The following AP3S2 variants were observed in gnomAD, a reference collection of about 807,000 sequenced individuals.
AP3S2 encodes the protein AP-3 complex subunit sigma-2.
Under a neutral mutation model 23.4 loss-of-function variants are expected in AP3S2, and 22 were observed. The observed-to-expected ratio is 0.94, with a 90% confidence interval of 0.67 to 1.34. The LOEUF (loss-of-function observed/expected upper bound fraction) is 1.34, where lower values mean the gene tolerates loss of function less well. AP3S2 is among the 40% of genes most tolerant of loss of function. The probability of loss-of-function intolerance (pLI) is 0.00; values close to 1 mark genes in which losing one functional copy is unlikely to be tolerated. For synonymous variants in AP3S2, 86 were observed against 87.1 expected (o/e 0.99, Z 0.07); for missense variants, 241 against 236.9 (o/e 1.02, Z -0.11).
At chr15:89,868,940 G>A (rs1183441927) in intron 4 of AP3S2, among the ~76,000 whole-genome samples, 125 of 133,278 alleles carry the variant, frequency 9.4e-4, no homozygotes, top group Admixed American at 1.8e-3. Context: ...CCGTCCGGGA[G>A]GGAGGTGGGG....
At chr15:89,842,961 G>A (rs1895367385) in intron 4 of AP3S2, among the ~76,000 whole-genome samples, 1 of 151,584 alleles carries the variant, frequency 6.6e-6, no homozygotes, top group African/African-American at 2.4e-5. Flanking sequence ...TAACAGAATG[G>A]GGACCATTAT....
intron 1 of AP3S2, among the ~76,000 whole-genome samples, chr15:89,890,338 C>A (rs1378080269): frequency 1.3e-5 from 2 of 152,198 alleles, no homozygotes; most frequent in Admixed American, 6.5e-5. Context: ...GTGTGAGCCA[C>A]CATGTCTGGC....
At chr15:89,893,792 A>T in intron 1 of AP3S2, 89 bp downstream of exon 1, 2 of 1,323,818 alleles carry the variant, frequency 1.5e-6, no homozygotes, top group Non-Finnish European at 2.1e-6. Context: ...GTGACCAAAG[A>T]GCGGTGCCCC....
At chr15:89,855,536 TA>T (rs199883528) in intron 4 of AP3S2, among the ~76,000 whole-genome samples, 59,588 of 136,012 alleles carry the variant, frequency 0.44, 12,611 homozygotes, top group East Asian at 0.6. Context: ...AAGAATAAAT[TA>T]AAAAAAAAAA....
At chr15:89,838,750 G>C (rs985542035) in intron 4 of AP3S2, among the ~76,000 whole-genome samples, 3 of 152,194 alleles carry the variant, frequency 2.0e-5, no homozygotes, top group African/African-American at 7.2e-5. Context: ...AGAGATCAGA[G>C]AGCTTCACAG....
At chr15:89,853,954 A>C (rs1596196323) in intron 4 of AP3S2, among the ~76,000 whole-genome samples, 1 of 37,010 alleles carries the variant, frequency 2.7e-5, no homozygotes, top group Admixed American at 3.0e-4. Flanking sequence ...TCCGCCCGGC[A>C]GCCACCCCAT....
rs531668513 is a variant in AP3S2 at position 89,880,236 on chromosome 15, CTAATTA to C, written c.273+8279_273+8284del. On this transcript the variant is annotated intron_variant, in intron 3 of 5. Coordinates refer to ENST00000336418, the MANE Select transcript of AP3S2 (RefSeq NM_005829.5). ...GGAAATGCTAACTGTTAATTCACTTCTAATTATAATTATAATCCAACAGGGACTTTT... is the reference window on the plus strand; with the variant it reads ...GGAAATGCTAACTGTTAATTCACTTCTAATTATAATCCAACAGGGACTTTT... 1.2e-4 allele frequency among the ~76,000 whole-genome samples: 19 copies of C among 152,148 alleles called. No homozygotes were observed. In the South Asian group the frequency reaches 3.5e-3, roughly 28 times the overall value.
chr15:89,849,591 T>A (rs1444287392), intron 4 of AP3S2, among the ~76,000 whole-genome samples: 1 of 152,024 alleles, frequency 6.6e-6, no homozygotes, highest in Non-Finnish European at 1.5e-5. Flanking sequence ...ATGGTCTCGA[T>A]CTCCTGACCT....
chr15:89,890,334 G>A (rs1896792306), intron 1 of AP3S2, among the ~76,000 whole-genome samples: 1 of 152,204 alleles, frequency 6.6e-6, no homozygotes, highest in African/African-American at 2.4e-5. Flanking sequence ...ACAGGTGTGA[G>A]CCACCATGTC....
intron 4 of AP3S2, among the ~76,000 whole-genome samples, chr15:89,867,696 C>A (rs1896172234): frequency 1.4e-5 from 2 of 138,060 alleles, no homozygotes; most frequent in South Asian, 2.5e-4. Flanking sequence ...CGCCTCTGCC[C>A]GGCCGAGACC....
chr15:89,892,426 C>A (rs1245981206), intron 1 of AP3S2, among the ~76,000 whole-genome samples: 4 of 152,090 alleles, frequency 2.6e-5, no homozygotes, highest in African/African-American at 9.7e-5. Flanking sequence ...AATCCCAGCA[C>A]TTTGGGAGGC....
At chr15:89,846,933 A>G (rs1895507985) in intron 4 of AP3S2, among the ~76,000 whole-genome samples, 1 of 152,072 alleles carries the variant, frequency 6.6e-6, no homozygotes, top group South Asian at 2.1e-4. Flanking sequence ...AGCCTCCCAA[A>G]GTGCTGGGAT....
chr15:89,858,529 G>GAAAGA lies in AP3S2; in HGVS notation c.345+12941_345+12945dup, dbSNP rs1567178817. ...AGAGAGAGAGAGAGAGAGAGAGAAA[G>GAAAGA]AAAGAAAGAAAGAAAGAAAGAAAGA... On this transcript the variant is annotated intron_variant, in intron 4 of 5. Coordinates refer to ENST00000336418, the MANE Select transcript of AP3S2 (RefSeq NM_005829.5). Among the ~76,000 whole-genome samples, 3 of 50,658 alleles carry GAAAGA rather than the reference G, an allele frequency of 5.9e-5. No individual in the cohort carries two copies. The East Asian group carries it at 3.4e-3, about 58-fold the overall frequency. 33.2% of individuals were successfully genotyped at this position (50,658 alleles called of 152,430 possible).
At chr15:89,880,623 G>C (rs4932151) in intron 3 of AP3S2, among the ~76,000 whole-genome samples, 1 of 149,678 alleles carries the variant, frequency 6.7e-6, no homozygotes, top group Non-Finnish European at 1.5e-5. Flanking sequence ...GCAGTGAGCC[G>C]AGATTGCGCC....
At position 89,843,974 on chromosome 15, in the gene AP3S2, GGAAGA is replaced by G. The variant is rs374703111; in HGVS notation, c.346-6257_346-6253del. On this transcript the variant is annotated intron_variant, in intron 4 of 5. Coordinates refer to ENST00000336418, the MANE Select transcript of AP3S2 (RefSeq NM_005829.5). ...ATAAAACTCCAGCTAGCAAAAACTA[GGAAGA>G]GAAGAGGGGAAAAAGGAGGGAGGTA... is the stretch of plus-strand genomic sequence containing the variant. 3.2e-4 allele frequency among the ~76,000 whole-genome samples: 49 copies of G among 152,220 alleles called. 1 individual carries two copies. In the South Asian group the frequency reaches 0.01, roughly 32 times the overall value.
At chr15:89,853,531 C>T (rs909193561) in intron 4 of AP3S2, among the ~76,000 whole-genome samples, 8 of 152,232 alleles carry the variant, frequency 5.3e-5, no homozygotes, top group Admixed American at 3.3e-4. Flanking sequence ...GGGCTGCCAC[C>T]CCGTCTGGGA....
intron 4 of AP3S2, among the ~76,000 whole-genome samples, chr15:89,855,962 AAAAAAAG>A (rs75152461): frequency 6.0e-5 from 9 of 150,982 alleles, no homozygotes; most frequent in Admixed American, 4.6e-4. Flanking sequence ...AAAAAAAAAA[AAAAAAAG>A]AATCAATGAA....
chr15:89,837,687 C>T lies in AP3S2; in HGVS notation c.381G>A (p.Gly127=). 1 of 1,614,190 alleles carries T rather than the reference C, an allele frequency of 6.2e-7. No individual in the cohort carries two copies. The highest frequency in any genetic ancestry group is 8.5e-7 in the Non-Finnish European group (1 of 1,180,032). The part of the protein sequence containing the change: ...HYILQEVVMG[G]MVLETNMNEI... ...CATTCATGTTTGTTTCCAACACCAT[C>T]CCACCCATCACCACCTCCTGGAGGA... Residue 127 remains glycine, a synonymous_variant, in exon 5 of 6, where the codon GGG becomes GGA. Coordinates refer to ENST00000336418, the MANE Select transcript of AP3S2 (RefSeq NM_005829.5).
chr15:89,871,377 A>C (rs1376080283), intron 4 of AP3S2, 98 bp downstream of exon 4: 8 of 1,157,044 alleles, frequency 6.9e-6, no homozygotes, highest in Middle Eastern at 2.0e-4. Context: ...GTAAAAAAAA[A>C]CAAGAAACAA....
Sources: allele counts gnomAD v4.1 joint callset (sites outside exome capture counted in the v4.1 genomes callset), GRCh38; gene constraint gnomAD v4.1.1; transcripts MANE v1.5; gene names NCBI Gene and HGNC (gene_info 2026-07-23, HGNC 2026-07-21).